The following MEI1 variants were observed in gnomAD, a reference collection of about 807,000 sequenced individuals.
MEI1 encodes the protein meiotic double-stranded break formation protein 1.
A neutral mutation model predicts 146.2 loss-of-function variants in MEI1; 103 were observed. The ratio of observed to expected loss-of-function variants is 0.70; its 90% confidence interval spans 0.60 to 0.83. The LOEUF is 0.83. Among genes scored for constraint, MEI1 ranks in the 40% least tolerant of loss-of-function variants. The pLI is 0.00. For synonymous variants in MEI1, 652 were observed against 628.2 expected (o/e 1.04, Z -0.57); for missense variants, 1,529 against 1,533.0 (o/e 1.00, Z 0.04).
chr22:41,726,193 T>C (rs1347630981), intron 7 of MEI1, among the ~76,000 whole-genome samples: 1 of 152,008 alleles, frequency 6.6e-6, no homozygotes, highest in African/African-American at 2.4e-5. Context: ...CAGGAGAATA[T>C]AGCAAGAAAA....
intron 15 of MEI1, among the ~76,000 whole-genome samples, chr22:41,750,916 G>T (rs775695664): frequency 6.6e-6 from 1 of 152,048 alleles, no homozygotes; most frequent in African/African-American, 2.4e-5. Flanking sequence ...CCATACTTCC[G>T]GACCCAAGAG....
intron 20 of MEI1, chr22:41,774,502 T>C (rs561353638): frequency 2.0e-5 from 3 of 152,280 alleles, no homozygotes; most frequent in Non-Finnish European, 2.9e-5. Context: ...AGTAAAGGTA[T>C]TGGAAAAAAT....
chr22:41,775,679 C>T (rs1445199063), intron 20 of MEI1, among the ~76,000 whole-genome samples: 4 of 151,590 alleles, frequency 2.6e-5, no homozygotes, highest in South Asian at 4.2e-4. Context: ...CTGCAAGCCC[C>T]GCCTCCCGGG....
chr22:41,743,276 T>C (rs2073027264), intron 12 of MEI1, 82 bp downstream of exon 12: 5 of 947,778 alleles, frequency 5.3e-6, no homozygotes, highest in Non-Finnish European at 8.2e-6. Flanking sequence ...TCCCTTACTT[T>C]TGTATGCTAT....
intron 3 of MEI1, among the ~76,000 whole-genome samples, chr22:41,711,697 C>G (rs2069582876): frequency 6.6e-6 from 1 of 152,144 alleles, no homozygotes; most frequent in Non-Finnish European, 1.5e-5. Flanking sequence ...AGAACCTTCC[C>G]ACAGCAGCTG....
At chr22:41,798,860 G>A (rs1199379526) in intron 30 of MEI1, among the ~76,000 whole-genome samples, 2 of 149,442 alleles carry the variant, frequency 1.3e-5, no homozygotes, top group Non-Finnish European at 3.0e-5. Flanking sequence ...CTGGGTGGCA[G>A]AGTGAGACTA....
chr22:41,745,734 T>G, intron 13 of MEI1, 151 bp from the exon 14 acceptor site: 3 of 665,768 alleles, frequency 4.5e-6, no homozygotes, highest in Non-Finnish European at 4.7e-6. Flanking sequence ...CCTCTCCTCA[T>G]TGTGGTCTAT....
At chr22:41,776,067 C>G in intron 20 of MEI1, 35 bp from the exon 21 acceptor site, 3 of 1,604,770 alleles carry the variant, frequency 1.9e-6, no homozygotes, top group Non-Finnish European at 2.6e-6. Context: ...AACTGCAGTA[C>G]CCTCTGATCT....
chr22:41,706,162 G>C (rs773907088), intron 3 of MEI1, among the ~76,000 whole-genome samples: 1 of 152,112 alleles, frequency 6.6e-6, no homozygotes, highest in Non-Finnish European at 1.5e-5. Context: ...GGGACTACAG[G>C]TGTGCACTAC....
chr22:41,743,709 C>G (rs933242334), intron 12 of MEI1, among the ~76,000 whole-genome samples: 1 of 152,180 alleles, frequency 6.6e-6, no homozygotes, highest in African/African-American at 2.4e-5. Context: ...AAACTAAGCT[C>G]TTTACACCTG....
chr22:41,728,725 G>C (rs1180709015), intron 7 of MEI1, among the ~76,000 whole-genome samples: 1 of 152,124 alleles, frequency 6.6e-6, no homozygotes, highest in Non-Finnish European at 1.5e-5. Context: ...AGCCAGGGTG[G>C]TGGTGCATGC....
chr22:41,745,950 A>G lies in MEI1; in HGVS notation c.1604A>G (p.Lys535Arg), dbSNP rs745985469. ...QENPFTAPSA[K>R]KEDTLEAFSE... ...AATCCATTCACAGCTCCCAGCGCCA[A>G]GAAGGAAGACACCTTGGAGGCCTTC... The change falls in exon 14 of 31, where the codon AAG becomes AGG. Residue 535 changes from lysine to arginine, a missense_variant. Transcript: ENST00000401548. 1.9e-6 allele frequency: 3 copies of G among 1,613,678 alleles called. No homozygotes were observed. The highest frequency in any genetic ancestry group is 1.7e-5 in the Admixed American group (1 of 59,996).
intron 26 of MEI1, among the ~76,000 whole-genome samples, chr22:41,788,978 G>C (rs1000780418): frequency 2.6e-5 from 4 of 152,012 alleles, no homozygotes; most frequent in African/African-American, 9.7e-5. Flanking sequence ...CTGGGACTAC[G>C]GGTATACACC....
At chr22:41,764,850 G>A (rs1441443263) in intron 19 of MEI1, among the ~76,000 whole-genome samples, 1 of 152,174 alleles carries the variant, frequency 6.6e-6, no homozygotes, top group Non-Finnish European at 1.5e-5. Context: ...ACTAAGGAAT[G>A]AGCCTTAGGA....
intron 7 of MEI1, among the ~76,000 whole-genome samples, chr22:41,724,767 G>T (rs1290200321): frequency 6.6e-6 from 1 of 152,018 alleles, no homozygotes; most frequent in Non-Finnish European, 1.5e-5. Context: ...CTCCAGCCTG[G>T]GTGATAGAAA....
At position 41,699,511 on chromosome 22, in the gene MEI1, G is replaced by C. The variant is rs575658744; in HGVS notation, c.-28G>C. The C allele has an allele frequency of 1.3e-6, 2 of 1,592,542 alleles. No individual in the cohort carries two copies. Among genetic ancestry groups the C allele is most frequent in the Non-Finnish European group, 1.7e-6 (2 of 1,169,754 alleles). ...GCGTGCAGTCTGCGCGGGAAAGAGT[G>C]CCGCCTCAGCTGAGGGCAAGCGAGG... On this transcript the variant is annotated 5_prime_UTR_variant, in exon 1 of 31. Transcript: ENST00000401548.
At chr22:41,720,521 C>T (rs2070672520) in intron 6 of MEI1, among the ~76,000 whole-genome samples, 1 of 151,950 alleles carries the variant, frequency 6.6e-6, no homozygotes, top group South Asian at 2.1e-4. Flanking sequence ...TCCTTGACCT[C>T]CAGGGCTTAA....
intron 7 of MEI1, among the ~76,000 whole-genome samples, chr22:41,724,572 C>T (rs765024951): frequency 1.0e-4 from 15 of 150,024 alleles, no homozygotes; most frequent in South Asian, 2.1e-4. Flanking sequence ...GAGCCAAGAC[C>T]GCGCCACTGC....
intron 5 of MEI1, among the ~76,000 whole-genome samples, chr22:41,716,576 A>T (rs1396039435): frequency 2.0e-5 from 3 of 150,114 alleles, no homozygotes; most frequent in South Asian, 4.2e-4. Context: ...GGGTTTCTCC[A>T]TGTTGGTCAG....
Sources: allele counts gnomAD v4.1 joint callset (sites outside exome capture counted in the v4.1 genomes callset), GRCh38; gene constraint gnomAD v4.1.1; transcripts MANE v1.5; gene names NCBI Gene and HGNC (gene_info 2026-07-23, HGNC 2026-07-21).